Variants in ADGRE1 observed in about 807,000 individuals in gnomAD.
ADGRE1 encodes EGF-like module receptor 1.
ADGRE1 carries 82 observed loss-of-function variants against 102.7 expected under a neutral mutation model. The observed-to-expected ratio is 0.80, with a 90% CI of 0.67 to 0.96. ADGRE1 has a LOEUF of 0.96. Ranked by LOEUF, ADGRE1 falls within the 40% of genes least tolerant of loss-of-function variation. The pLI is 0.00. For synonymous variants in ADGRE1, 398 were observed against 399.6 expected (o/e 1.00, Z 0.05); for missense variants, 1,032 against 1,085.3 (o/e 0.95, Z 0.69).
intron 5 of ADGRE1, chr19:6,898,258 A>C: frequency 6.6e-7 from 1 of 1,509,314 alleles, no homozygotes; most frequent in Non-Finnish European, 9.0e-7. Flanking sequence ...GGCAAAATAC[A>C]GTCTTCTATC....
chr19:6,932,233 C>G (rs1220648996), intron 17 of ADGRE1, among the ~76,000 whole-genome samples: 1 of 152,110 alleles, frequency 6.6e-6, no homozygotes, highest in Non-Finnish European at 1.5e-5. Context: ...CTTTGGGAGG[C>G]TGAGGCAGGC....
chr19:6,901,914 A>C lies in ADGRE1; in HGVS notation c.554A>C (p.His185Pro). 1 of 1,614,218 alleles carries C rather than the reference A, an allele frequency of 6.2e-7. No homozygotes were observed. The highest frequency in any genetic ancestry group is 8.5e-7 in the Non-Finnish European group (1 of 1,180,034). The change falls in exon 6 of 21, where the codon CAT becomes CCT. Residue 185 changes from histidine (H) to proline (P), a missense_variant. Coordinates refer to ENST00000312053, the MANE Select transcript of ADGRE1 (RefSeq NM_001974.5). Reference protein sequence around the residue: ...ECADPRACPEHATCNNTVGNY... With the variant: ...ECADPRACPEPATCNNTVGNY... ...GCAGATCCAAGAGCTTGCCCAGAGC[A>C]TGCAACTTGTAATAACACTGTTGGA...
rs769297460 is a variant in ADGRE1 at position 6,921,823 on chromosome 19, C to T, written c.1731C>T (p.Thr577=). 1.9e-6 allele frequency: 3 copies of T among 1,614,074 alleles called. No individual in the cohort carries two copies. In the Admixed American group the frequency reaches 5.0e-5, roughly 27 times the overall value. The change falls in exon 14 of 21, where the codon ACC becomes ACT. Residue 577 remains threonine (T), a synonymous_variant. Transcript: ENST00000312053. ...CVILEASETY[T]ICSCNQMANL... ...TCCTGGAAGCTTCTGAGACATATAC[C>T]ATCTGCAGCTGTAATCAGATGGCAA... is the stretch of plus-strand genomic sequence containing the variant.
chr19:6,908,874 C>G (rs1974070319), intron 10 of ADGRE1, 102 bp downstream of exon 10: 2 of 1,062,956 alleles, frequency 1.9e-6, no homozygotes, highest in Middle Eastern at 2.2e-4. Flanking sequence ...TGGCTCACAC[C>G]CATAATCCCA....
At chr19:6,939,606 C>T (rs1222622666) in intron 20 of ADGRE1, among the ~76,000 whole-genome samples, 1 of 152,140 alleles carries the variant, frequency 6.6e-6, no homozygotes, top group African/African-American at 2.4e-5. Context: ...CTCCAGACAT[C>T]ATGACTATGT....
intron 14 of ADGRE1, among the ~76,000 whole-genome samples, chr19:6,923,358 A>G (rs1031161529): frequency 5.9e-5 from 9 of 152,194 alleles, no homozygotes; most frequent in Admixed American, 5.9e-4. Flanking sequence ...TTTATATAGT[A>G]TGCTTCTGGC....
At chr19:6,922,612 TCACACACACA>T (rs770150909) in intron 14 of ADGRE1, among the ~76,000 whole-genome samples, 1,687 of 123,210 alleles carry the variant, frequency 0.014, 21 homozygotes, top group African/African-American at 0.045. Context: ...AGACTCTGTC[TCACACACACA>T]CACACACACA....
At chr19:6,894,686 G>C in intron 2 of ADGRE1, among the ~76,000 whole-genome samples, 1 of 152,194 alleles carries the variant, frequency 6.6e-6, no homozygotes, top group East Asian at 1.9e-4. Flanking sequence ...TATAGGCAAG[G>C]GGTGGAGGTG....
At chr19:6,887,662 G>A (rs1219812309) in intron 1 of ADGRE1, 23 bp downstream of exon 1, 1 of 1,604,674 alleles carries the variant, frequency 6.2e-7, no homozygotes, top group Non-Finnish European at 8.5e-7. Context: ...CTGAATGGGG[G>A]GCTAGGGGAG....
intron 10 of ADGRE1, among the ~76,000 whole-genome samples, chr19:6,912,537 T>C (rs1434605106): frequency 6.6e-6 from 1 of 152,170 alleles, no homozygotes; most frequent in African/African-American, 2.4e-5. Context: ...AGAACATAAA[T>C]ACCATAATAT....
At chr19:6,908,245 T>G (rs1974041620) in intron 9 of ADGRE1, among the ~76,000 whole-genome samples, 1 of 152,264 alleles carries the variant, frequency 6.6e-6, no homozygotes, top group Admixed American at 6.5e-5. Context: ...GGGATACTTT[T>G]AGTTAATCTA....
chr19:6,887,594 C>G lies in ADGRE1; in HGVS notation c.-15C>G, dbSNP rs1973197927. 4 of 1,611,530 alleles carry G rather than the reference C, an allele frequency of 2.5e-6. No homozygotes were observed. In the African/African-American group the frequency reaches 4.0e-5, roughly 16 times the overall value. Reference sequence around the variant, plus strand: ...AGAAAAGTTTCTTTTCTTTGAATGACAGAACTACAGCATAATGCGTGGCTT... The same window carrying G: ...AGAAAAGTTTCTTTTCTTTGAATGAGAGAACTACAGCATAATGCGTGGCTT... On this transcript the variant is annotated 5_prime_UTR_variant, in exon 1 of 21. Coordinates refer to ENST00000312053, the MANE Select transcript of ADGRE1 (RefSeq NM_001974.5).
rs1238068781 is a variant in ADGRE1, at chr19:6,935,018, G to A, written c.2321G>A (p.Trp774Ter). Residue 774 changes from tryptophan to a stop codon, truncating the protein, a stop_gained, in exon 18 of 21, where the codon TGG becomes TAG. Transcript: ENST00000312053. LOFTEE classifies it high-confidence loss of function. ...TCCCTTCTCCTGACCTGGACCTTGT[G>A]GATCCTGAGGCAGAGGCTTTCCAGT... Reference protein sequence around the residue: ...INSLLLTWTLWILRQRLSSVN... With the variant: ...INSLLLTWTL 1.9e-6 allele frequency: 3 copies of A among 1,597,284 alleles called. No homozygotes were observed. Among genetic ancestry groups the A allele is most frequent in the Non-Finnish European group, 2.6e-6 (3 of 1,171,282 alleles).
At chr19:6,903,325 T>C (rs186905321) in intron 6 of ADGRE1, among the ~76,000 whole-genome samples, 2 of 152,334 alleles carry the variant, frequency 1.3e-5, no homozygotes, top group East Asian at 3.9e-4. Context: ...TTTTAGCTAG[T>C]CCTCAATTTT....
intron 10 of ADGRE1, among the ~76,000 whole-genome samples, 160 bp downstream of exon 10, chr19:6,908,932 A>G (rs1974072161): frequency 6.6e-6 from 1 of 152,010 alleles, no homozygotes; most frequent in Non-Finnish European, 1.5e-5. Flanking sequence ...TCAGGAGTTC[A>G]AGACCAGCCT....
intron 10 of ADGRE1, among the ~76,000 whole-genome samples, chr19:6,911,385 G>GTTTTTTTTTTTTTTTTTTTTTTTTTTTT (rs772959056): frequency 3.8e-5 from 3 of 79,844 alleles, no homozygotes; most frequent in Non-Finnish European, 7.0e-5. Context: ...ATTCCTTTTA[G>GTTTTTTTTTTTTTTTTTTTTTTTTTTTT]TTTTTTTTTT....
At chr19:6,936,357 AC>A (rs1975401173) in intron 18 of ADGRE1, among the ~76,000 whole-genome samples, 1 of 149,566 alleles carries the variant, frequency 6.7e-6, no homozygotes. Flanking sequence ...AATAGCTTGA[AC>A]CCAGGAGGCG....
At chr19:6,904,325 C>G (rs1161102534) in intron 8 of ADGRE1, 143 bp downstream of exon 8, 1 of 1,124,380 alleles carries the variant, frequency 8.9e-7, no homozygotes, top group African/African-American at 1.6e-5. Flanking sequence ...CATCCATTTA[C>G]TCTTTCAACA....
intron 16 of ADGRE1, 139 bp downstream of exon 16, chr19:6,926,740 T>C (rs559719889): frequency 1.2e-6 from 1 of 823,082 alleles, no homozygotes; most frequent in East Asian, 2.6e-5. Context: ...GTACTATTGG[T>C]TTCAGGACCA....
Sources: gnomAD v4.1 joint callset for allele counts (sites outside exome capture counted in the v4.1 genomes callset) on GRCh38, gnomAD v4.1.1 for gene constraint, MANE v1.5 for transcripts, NCBI Gene and HGNC (gene_info 2026-07-23, HGNC 2026-07-21) for gene names.